The following C10orf90 variants were observed in gnomAD, a reference collection of about 807,000 sequenced individuals.
C10orf90 encodes the protein chromosome 10 open reading frame 90.
Under a neutral mutation model 62.5 loss-of-function variants are expected in C10orf90, and 56 were observed. The observed-to-expected ratio is 0.90, with a 90% CI of 0.72 to 1.12. C10orf90 has a LOEUF of 1.12. Among genes scored for constraint, C10orf90 ranks in the 50% most tolerant of loss-of-function variants. The pLI is 0.00. For synonymous variants in C10orf90, 386 were observed against 340.4 expected, an observed-to-expected ratio of 1.13 and a Z score of -1.47; for missense variants, 970 against 880.4, an observed-to-expected ratio of 1.10 and a Z score of -1.29.
chr10:126,655,641 T>C (rs1158835538), intron 1 of C10orf90, among the ~76,000 whole-genome samples: 1 of 152,172 alleles, frequency 6.6e-6, no homozygotes, highest in East Asian at 1.9e-4. Context: ...CCAGGAATTG[T>C]TTACCACCGC....
chr10:126,465,403 A>G (rs1217722791), intron 4 of C10orf90, among the ~76,000 whole-genome samples: 1 of 151,310 alleles, frequency 6.6e-6, no homozygotes, highest in East Asian at 1.9e-4. Flanking sequence ...AACAAATTAT[A>G]TCTTTTATAT....
rs1033262140 is a variant in C10orf90 at position 126,576,847 on chromosome 10, A to T, written c.314-62908T>A. On this transcript the variant is annotated intron_variant, in intron 2 of 9. Coordinates refer to ENST00000488181, the MANE Select transcript of C10orf90 (RefSeq NM_001350921.2). ...AGAATAAAATCTTCTCATTTGTGGC[A>T]ACACAGATGGAACTGAAGGACATTA... 3.2e-4 allele frequency among the ~76,000 whole-genome samples: 48 copies of T among 149,688 alleles called. 1 individual carries two copies. Among genetic ancestry groups the T allele is most frequent in the Admixed American group, 3.2e-3 (48 of 14,996 alleles).
intron 7 of C10orf90, among the ~76,000 whole-genome samples, chr10:126,438,315 A>G (rs933333534): frequency 6.6e-6 from 1 of 152,250 alleles, no homozygotes; most frequent in Non-Finnish European, 1.5e-5. Context: ...GGAAAATGGC[A>G]AATTGAAACT....
intron 2 of C10orf90, among the ~76,000 whole-genome samples, chr10:126,628,368 G>A (rs1845787874): frequency 6.6e-6 from 1 of 152,218 alleles, no homozygotes; most frequent in Admixed American, 6.5e-5. Context: ...TGGGTGGATG[G>A]ATGGATAGAT....
chr10:126,583,011 G>T (rs924677004), intron 2 of C10orf90, among the ~76,000 whole-genome samples: 3 of 152,134 alleles, frequency 2.0e-5, no homozygotes, highest in Non-Finnish European at 2.9e-5. Context: ...GTTGTTGGGG[G>T]GTGGCTGTGC....
intron 4 of C10orf90, among the ~76,000 whole-genome samples, chr10:126,494,744 A>T (rs1221008043): frequency 1.3e-5 from 2 of 152,238 alleles, no homozygotes; most frequent in African/African-American, 2.4e-5. Flanking sequence ...GGACCAGTTT[A>T]TATACTTCTC....
intron 2 of C10orf90, among the ~76,000 whole-genome samples, chr10:126,564,865 AT>A (rs1564873456): frequency 0.066 from 282 of 4,244 alleles, 91 homozygotes; most frequent in African/African-American, 0.13. Flanking sequence ...TAAAATATAT[AT>A]TATATATAAT....
intron 2 of C10orf90, among the ~76,000 whole-genome samples, chr10:126,559,073 A>G (rs1000731229): frequency 1.3e-5 from 2 of 152,236 alleles, no homozygotes; most frequent in African/African-American, 4.8e-5. Context: ...TATAGGGAAC[A>G]TTTTGTAAAA....
intron 4 of C10orf90, among the ~76,000 whole-genome samples, chr10:126,472,440 C>T (rs1052207406): frequency 6.6e-6 from 1 of 152,130 alleles, no homozygotes; most frequent in Non-Finnish European, 1.5e-5. Flanking sequence ...TTGGATACAG[C>T]TTGTAACTCA....
chr10:126,651,030 G>A (rs1846281883), intron 1 of C10orf90, among the ~76,000 whole-genome samples: 1 of 152,150 alleles, frequency 6.6e-6, no homozygotes, highest in Non-Finnish European at 1.5e-5. Context: ...CAGAAGCAGT[G>A]CTCCCATGAG....
rs750641884 is a variant in C10orf90, at chr10:126,453,609, G to C, written c.2188+5431C>G. Among the ~76,000 whole-genome samples, 10 of 152,164 alleles carry C rather than the reference G, an allele frequency of 6.6e-5. No individual in the cohort carries two copies. The highest frequency in any genetic ancestry group is 1.3e-4 in the Non-Finnish European group (9 of 68,034). ...GGGGGAAATGAGCTGAGAACAGAAG[G>C]GGGCAACGTGGGCTGAGTTTGAGCA... On this transcript the variant is annotated intron_variant, in intron 7 of 9. Transcript: ENST00000488181. This position sits in a 1 kb window ranked among gnomAD's most constrained non-coding sequence, Gnocchi z 4.9.
At chr10:126,516,586 CA>C (rs1591055228) in intron 2 of C10orf90, among the ~76,000 whole-genome samples, 1 of 152,208 alleles carries the variant, frequency 6.6e-6, no homozygotes, top group Non-Finnish European at 1.5e-5. Flanking sequence ...CAGAACATAA[CA>C]ACATACAGTA....
intron 2 of C10orf90, among the ~76,000 whole-genome samples, chr10:126,549,144 G>A (rs1864571191): frequency 6.6e-6 from 1 of 152,054 alleles, no homozygotes; most frequent in Non-Finnish European, 1.5e-5. Flanking sequence ...ATCCACAAAA[G>A]GAAAAATTGA....
intron 2 of C10orf90, among the ~76,000 whole-genome samples, chr10:126,573,321 C>T (rs2134006258): frequency 6.6e-6 from 1 of 152,334 alleles, no homozygotes; most frequent in South Asian, 2.1e-4. Context: ...CTATAGATAA[C>T]ATAACCGATT....
intron 1 of C10orf90, among the ~76,000 whole-genome samples, chr10:126,650,397 T>G (rs370581707): frequency 4.6e-4 from 70 of 152,332 alleles, no homozygotes; most frequent in African/African-American, 1.2e-3. Context: ...TTAAGCCTGG[T>G]GTCACGTGAG....
At chr10:126,531,295 A>T (rs1046381219) in intron 2 of C10orf90, among the ~76,000 whole-genome samples, 8 of 152,136 alleles carry the variant, frequency 5.3e-5, no homozygotes, top group African/African-American at 1.9e-4. Context: ...ATGTCTGGAG[A>T]CATTTTTGGT....
chr10:126,569,830 C>CA (rs1338447849), intron 2 of C10orf90, among the ~76,000 whole-genome samples: 1 of 152,022 alleles, frequency 6.6e-6, no homozygotes, highest in East Asian at 1.9e-4. Context: ...CACAGGGTAA[C>CA]AAAGTTTACA....
At chr10:126,649,080 C>CCCCT (rs1564909182) in intron 1 of C10orf90, among the ~76,000 whole-genome samples, 5 of 118,752 alleles carry the variant, frequency 4.2e-5, no homozygotes, top group Non-Finnish European at 8.6e-5. Flanking sequence ...CTCCCCCCCC[C>CCCCT]CCAGCAATTC....
intron 7 of C10orf90, among the ~76,000 whole-genome samples, chr10:126,430,301 C>T (rs781136446): frequency 1.4e-4 from 22 of 152,170 alleles, no homozygotes; most frequent in Non-Finnish European, 3.2e-4. Context: ...CTCTATAGGG[C>T]TGCTCAGCCT....
Sources: gnomAD v4.1 joint callset for allele counts (sites outside exome capture counted in the v4.1 genomes callset) on GRCh38, gnomAD v4.1.1 for gene constraint, Gnocchi (gnomAD v3.1) non-coding constraint, MANE v1.5 for transcripts, NCBI Gene and HGNC (gene_info 2026-07-23, HGNC 2026-07-21) for gene names.